The following GMDS variants were observed in gnomAD, a reference collection of about 807,000 sequenced individuals.
The protein encoded by GMDS is GDP-mannose 4,6-dehydratase.
GMDS carries 20 observed loss-of-function variants against 49.9 expected under a neutral mutation model. The ratio of observed to expected loss-of-function variants is 0.40; its 90% confidence interval spans 0.28 to 0.58. GMDS has a LOEUF of 0.58. GMDS is among the 20% of genes least tolerant of loss of function. The probability of loss-of-function intolerance (pLI) is 0.42; values close to 1 mark genes in which losing one functional copy is unlikely to be tolerated. For synonymous variants in GMDS, 177 were observed against 178.6 expected (o/e 0.99, Z 0.07); for missense variants, 362 against 481.4 (o/e 0.75, Z 2.32).
At chr6:2,160,953 C>A (rs79215286) in intron 1 of GMDS, among the ~76,000 whole-genome samples, 2,395 of 152,272 alleles carry the variant, frequency 0.016, 62 homozygotes, top group African/African-American at 0.053. Flanking sequence ...TAATCAATGA[C>A]CATACCCTGA....
At chr6:2,141,458 T>C (rs991658864) in intron 1 of GMDS, among the ~76,000 whole-genome samples, 12 of 152,180 alleles carry the variant, frequency 7.9e-5, no homozygotes, top group Admixed American at 2.6e-4. Context: ...ATTCAAAATA[T>C]TGAATAACCT....
intron 4 of GMDS, among the ~76,000 whole-genome samples, chr6:2,087,418 A>T (rs1299749634): frequency 6.6e-6 from 1 of 152,260 alleles, no homozygotes; most frequent in African/African-American, 2.4e-5. Context: ...ATAATCTATC[A>T]GAAAGGAAGT....
intron 1 of GMDS, among the ~76,000 whole-genome samples, chr6:2,209,662 C>T (rs1205522127): frequency 1.3e-5 from 2 of 151,722 alleles, no homozygotes; most frequent in Non-Finnish European, 2.9e-5. Context: ...CTTATTTTAC[C>T]TATGTTTAGC....
intron 7 of GMDS, among the ~76,000 whole-genome samples, chr6:1,787,076 T>G (rs1769355026): frequency 1.3e-5 from 2 of 152,198 alleles, no homozygotes; most frequent in African/African-American, 4.8e-5. Flanking sequence ...TCCCACTTAA[T>G]AAAAGCGAAA....
intron 5 of GMDS, 114 bp downstream of exon 5, chr6:1,960,660 C>A (rs1399401479): frequency 1.5e-6 from 1 of 648,440 alleles, no homozygotes; most frequent in Non-Finnish European, 2.6e-6. Flanking sequence ...ATGTTAACCT[C>A]ACACCCAAAT....
chr6:2,086,385 C>G (rs1390603509), intron 4 of GMDS, among the ~76,000 whole-genome samples: 1 of 152,210 alleles, frequency 6.6e-6, no homozygotes, highest in South Asian at 2.1e-4. Flanking sequence ...AAAATTGTGG[C>G]TCACACACCT....
chr6:2,209,466 T>A (rs906792102), intron 1 of GMDS, among the ~76,000 whole-genome samples: 1 of 152,168 alleles, frequency 6.6e-6, no homozygotes, highest in Non-Finnish European at 1.5e-5. Flanking sequence ...TTAGCCAAGA[T>A]GCCTTGACCA....
chr6:2,156,639 A>G (rs910200785), intron 1 of GMDS, among the ~76,000 whole-genome samples: 1 of 152,200 alleles, frequency 6.6e-6, no homozygotes, highest in African/African-American at 2.4e-5. Context: ...AATATGACCA[A>G]CAAAGCAAAT....
chr6:1,747,886 C>T lies in GMDS; in HGVS notation c.772-5300G>A, dbSNP rs117115345. Among the ~76,000 whole-genome samples the T allele has an allele frequency of 2.4e-4, 37 of 152,108 alleles. No individual in the cohort carries two copies. In the East Asian group the frequency reaches 6.4e-3, roughly 26 times the overall value. Reference sequence around the variant, plus strand: ...TCCTGGGCAAAAACGCTGTGTCACACGGATTCCTTAGATTAAGGGACTTTT... The same window carrying T: ...TCCTGGGCAAAAACGCTGTGTCACATGGATTCCTTAGATTAAGGGACTTTT... On this transcript the variant is annotated intron_variant, in intron 7 of 10. Transcript: ENST00000380815.
chr6:1,828,646 G>T (rs1177003456), intron 7 of GMDS, among the ~76,000 whole-genome samples: 1 of 152,154 alleles, frequency 6.6e-6, no homozygotes, highest in African/African-American at 2.4e-5. Context: ...TATATTCAAA[G>T]TGCTAAAACA....
intron 1 of GMDS, among the ~76,000 whole-genome samples, chr6:2,165,656 C>A (rs1277343542): frequency 4.6e-5 from 7 of 152,218 alleles, no homozygotes; most frequent in African/African-American, 1.7e-4. Flanking sequence ...ATGTTTATCT[C>A]ATAATCTGCA....
intron 9 of GMDS, among the ~76,000 whole-genome samples, chr6:1,718,389 A>C (rs1231819979): frequency 6.6e-6 from 1 of 151,758 alleles, no homozygotes. Context: ...CAGCATCGTC[A>C]CCTCCCCACT....
intron 9 of GMDS, among the ~76,000 whole-genome samples, chr6:1,708,111 C>T (rs1275993137): frequency 6.6e-6 from 1 of 152,256 alleles, no homozygotes; most frequent in East Asian, 1.9e-4. Context: ...AGGAAATATC[C>T]AGAAGTATCA....
chr6:2,045,414 A>G (rs1472654479), intron 4 of GMDS, among the ~76,000 whole-genome samples: 1 of 151,512 alleles, frequency 6.6e-6, no homozygotes, highest in Non-Finnish European at 1.5e-5. Context: ...TTTTCCTGAG[A>G]AAGAATTGAA....
chr6:2,115,271 G>A (rs1223820439), intron 4 of GMDS, among the ~76,000 whole-genome samples: 1 of 152,148 alleles, frequency 6.6e-6, no homozygotes, highest in African/African-American at 2.4e-5. Flanking sequence ...GAGGAGGAGG[G>A]AGACTAAAAA....
At chr6:1,902,348 T>C (rs1760542206) in intron 7 of GMDS, among the ~76,000 whole-genome samples, 1 of 152,216 alleles carries the variant, frequency 6.6e-6, no homozygotes, top group African/African-American at 2.4e-5. Context: ...ACAGAAACCC[T>C]TCTAAAAACA....
chr6:1,759,622 G>A (rs1167273397), intron 7 of GMDS, among the ~76,000 whole-genome samples: 1 of 152,200 alleles, frequency 6.6e-6, no homozygotes, highest in Non-Finnish European at 1.5e-5. Flanking sequence ...AGAGTCTGGC[G>A]ATAGACCACG....
chr6:2,158,880 G>A (rs536344175), intron 1 of GMDS, among the ~76,000 whole-genome samples: 1 of 152,282 alleles, frequency 6.6e-6, no homozygotes, highest in Non-Finnish European at 1.5e-5. Context: ...AGGCGGTGAG[G>A]TGAGCCAAGT....
intron 9 of GMDS, among the ~76,000 whole-genome samples, chr6:1,680,742 C>T (rs1235210170): frequency 6.6e-6 from 1 of 152,186 alleles, no homozygotes; most frequent in Non-Finnish European, 1.5e-5. Context: ...GTGCCTTTGC[C>T]CAGCATGTGC....
Sources: gnomAD v4.1 joint callset for allele counts (sites outside exome capture counted in the v4.1 genomes callset) on GRCh38, gnomAD v4.1.1 for gene constraint, MANE v1.5 for transcripts, NCBI Gene and HGNC (gene_info 2026-07-23, HGNC 2026-07-21) for gene names.